Variants in IRF2BPL observed in about 807,000 individuals in gnomAD.
IRF2BPL encodes probable E3 ubiquitin-protein ligase IRF2BPL.
In IRF2BPL, 13 loss-of-function variants were observed where a neutral mutation model predicts 51.2. The ratio of observed to expected loss-of-function variants is 0.25; its 90% CI spans 0.17 to 0.40. The LOEUF (loss-of-function observed/expected upper bound fraction) is 0.40. Ranked by LOEUF, IRF2BPL falls within the 10% of genes least tolerant of loss-of-function variation. The pLI is 1.00. For synonymous variants in IRF2BPL, 768 were observed against 509.2 expected, an observed-to-expected ratio of 1.51 and a Z score of -6.84; for missense variants, 1,210 against 1,111.8, an observed-to-expected ratio of 1.09 and a Z score of -1.26.
Position 77,027,647 on chromosome 14 carries a change from A to C in IRF2BPL, c.146T>G (p.Phe49Cys), listed in dbSNP as rs1466529153. ...VNYEGADRIE[F>C]VIETARQLKR... ...CAGCTGGCGCGCTGTCTCGATCACG[A>C]ATTCGATGCGATCAGCGCCCTCGTA... is the stretch of plus-strand genomic sequence containing the variant. The change falls in exon 1 of 1, where the codon TTC (phenylalanine) becomes TGC (cysteine). Residue 49 changes from phenylalanine to cysteine, a missense_variant. Physicochemically the swap from Phe to Cys is radical, Grantham distance 205. Coordinates refer to ENST00000238647, the MANE Select transcript of IRF2BPL (RefSeq NM_024496.4). The C allele has an allele frequency of 6.2e-7, 1 of 1,610,422 alleles. No homozygotes were observed. Among genetic ancestry groups the C allele is most frequent in the Non-Finnish European group, 8.5e-7 (1 of 1,178,964 alleles).
rs1192531672 is a variant in IRF2BPL, at chr14:77,025,510, T to C, written c.2283A>G (p.Gly761=). 1 of 1,613,942 alleles carries C rather than the reference T, an allele frequency of 6.2e-7. No homozygotes were observed. The highest frequency in any genetic ancestry group is 8.5e-7 in the Non-Finnish European group (1 of 1,179,898). The part of the protein sequence containing the change: ...GATGEVYCPS[G]EKCPLVGSNV... Reference sequence around the variant, plus strand: ...TCGACCCGACTAGGGGGCATTTCTCTCCGCTGGGGCAATACACCTCGCCGG... The same window carrying C: ...TCGACCCGACTAGGGGGCATTTCTCCCCGCTGGGGCAATACACCTCGCCGG... The change falls in exon 1 of 1, where the codon GGA becomes GGG. Residue 761 remains glycine, a synonymous_variant. Coordinates refer to ENST00000238647, the MANE Select transcript of IRF2BPL (RefSeq NM_024496.4).
In IRF2BPL at chr14:77,027,350, C is replaced by G. The variant is rs920639240; in HGVS notation, c.443G>C (p.Arg148Pro). ...AVLAAPSGLE[R>P]YGLSAAAAAA... ...GGCGGCGGCAGCGCTTAGGCCGTAG[C>G]GCTCCAGGCCAGACGGGGCCGCCAG... Residue 148 changes from arginine to proline, a missense_variant, in exon 1 of 1, where the codon CGC becomes CCC. Transcript: ENST00000238647. 1 of 1,519,926 alleles carries G rather than the reference C, an allele frequency of 6.6e-7. No individual in the cohort carries two copies. The highest frequency in any genetic ancestry group is 1.5e-5 in the African/African-American group (1 of 68,580). 94.2% of individuals were successfully genotyped at this position (1,519,926 alleles called of 1,614,324 possible).
chr14:77,027,643 C>A lies in IRF2BPL; in HGVS notation c.150G>T (p.Val50=), dbSNP rs775565469. The A allele has an allele frequency of 2.5e-6, 4 of 1,610,238 alleles. No individual in the cohort carries two copies. The South Asian group carries it at 4.4e-5, about 18-fold the overall frequency. Reference sequence around the variant, plus strand: ...GCTTCAGCTGGCGCGCTGTCTCGATCACGAATTCGATGCGATCAGCGCCCT... The same window carrying A: ...GCTTCAGCTGGCGCGCTGTCTCGATAACGAATTCGATGCGATCAGCGCCCT... ...NYEGADRIEF[V]IETARQLKRA... Residue 50 remains valine (V), a synonymous_variant, in exon 1 of 1, where the codon GTG becomes GTT. Transcript: ENST00000238647.
In IRF2BPL at chr14:77,025,942, G is replaced by C. The variant is rs1442825566; in HGVS notation, c.1851C>G (p.Pro617=). ...SNRTTPPESA[P]QNGPSPMAAL... is the part of the protein sequence containing the mutation. ...CGGCCATAGGGGACGGACCGTTCTG[G>C]GGGGCTGACTCAGGTGGGGTGGTCC... Residue 617 remains proline (P), a synonymous_variant, in exon 1 of 1, where the codon CCC becomes CCG. Coordinates refer to ENST00000238647, the MANE Select transcript of IRF2BPL (RefSeq NM_024496.4). The C allele has an allele frequency of 1.9e-6, 3 of 1,608,428 alleles. No individual in the cohort carries two copies. The highest frequency in any genetic ancestry group is 2.5e-6 in the Non-Finnish European group (3 of 1,178,040).
rs1249260171 is a variant in IRF2BPL, at chr14:77,025,041, C to T, written c.*361G>A. The T allele has an allele frequency of 7.6e-6, 1 of 132,026 alleles. No homozygotes were observed. The allele number at this position is 132,026 out of a possible 1,614,324, so 8.2% of individuals were successfully genotyped here. ...GTTTTTCCTTTCAGAGAGTGCATAA[C>T]ATTTACAAAAATACACACCAGCAGC... On this transcript the variant is annotated 3_prime_UTR_variant, in exon 1 of 1. Transcript: ENST00000238647.
rs61991619 is a variant in IRF2BPL, at chr14:77,027,304, A to G, written c.489T>C (p.Ala163=). 362,244 of 1,536,626 alleles carry G rather than the reference A, an allele frequency of 0.24. 32,015 individuals carry two copies. Among genetic ancestry groups the G allele is most frequent in the Admixed American group, 0.29 (13,381 of 46,904 alleles). ...AAAAAAAAAA[A]AVEQRSRFEY... ...CGAAGCGGCTGCGCTGTTCCACCGC[A>G]GCGGCGGCGGCGGCGGCGGCGGCGG... The change falls in exon 1 of 1, where the codon GCT becomes GCC. Residue 163 remains alanine (A), a synonymous_variant. Coordinates refer to ENST00000238647, the MANE Select transcript of IRF2BPL (RefSeq NM_024496.4).
In IRF2BPL at chr14:77,025,721, T is replaced by G. The variant is rs572263508; in HGVS notation, c.2072A>C (p.His691Pro). 1.3e-6 allele frequency: 2 copies of G among 1,573,534 alleles called. No homozygotes were observed. Among genetic ancestry groups the G allele is most frequent in the South Asian group, 1.2e-5 (1 of 83,848 alleles). ...GGGGTGCACTTGGTCCATGCCCGGG[T>G]GGGCGCTAGGCGGCGGGGGCGCCAC... ...LQVAPPPPSA[H>P]PGMDQVHPQN... is the part of the protein sequence containing the mutation. Residue 691 changes from histidine to proline, a missense_variant, in exon 1 of 1, where the codon CAC becomes CCC. His to Pro is a moderately conservative substitution (Grantham distance 77). Coordinates refer to ENST00000238647, the MANE Select transcript of IRF2BPL (RefSeq NM_024496.4).
rs559226228 is a variant in IRF2BPL, at chr14:77,028,257, G to C, written c.-465C>G. The C allele has an allele frequency of 1.3e-5, 3 of 234,674 alleles. No individual in the cohort carries two copies. The East Asian group carries it at 3.3e-4, about 25-fold the overall frequency. 14.5% of individuals were successfully genotyped at this position (234,674 alleles called of 1,614,324 possible). On this transcript the variant is annotated 5_prime_UTR_variant, in exon 1 of 1. Coordinates refer to ENST00000238647, the MANE Select transcript of IRF2BPL (RefSeq NM_024496.4). ...CTACGAGCTGCGTCCTCTCCCCGAC[G>C]GGCCCCCTGGGGCGAGGGCCAGAGG...
At position 77,025,388 on chromosome 14, in the gene IRF2BPL, G is replaced by A. The variant is rs914060717; in HGVS notation, c.*14C>T. ...GGAGCTGGTCTAGGGCAAAGGAGGT[G>A]GCTGCCCAGTGGTTCAAGGGTCTCT... On this transcript the variant is annotated 3_prime_UTR_variant, in exon 1 of 1. Transcript: ENST00000238647. The A allele has an allele frequency of 1.4e-5, 22 of 1,522,192 alleles. No individual in the cohort carries two copies. The highest frequency in any genetic ancestry group is 1.9e-5 in the Non-Finnish European group (22 of 1,130,730). The allele number at this position is 1,522,192 out of a possible 1,614,324, so 94.3% of individuals were successfully genotyped here. A position where few individuals can be genotyped will look rare whatever the true frequency, so the allele number is the denominator to read the frequency against.
In IRF2BPL at chr14:77,025,346, GC is replaced by G. The variant is rs1885079210; in HGVS notation, c.*55del. 3 of 1,299,204 alleles carry G rather than the reference GC, an allele frequency of 2.3e-6. No individual in the cohort carries two copies. In the Admixed American group the frequency reaches 7.7e-5, roughly 33 times the overall value. The allele number at this position is 1,299,204 out of a possible 1,614,324, so 80.5% of individuals were successfully genotyped here. ...AGGGTCGAGTTGGGTTGGGGGAGGG[GC>G]CCTCAGGATTGGAGAGGAGCTGGTC... is the stretch of plus-strand genomic sequence containing the variant. On this transcript the variant is annotated 3_prime_UTR_variant, in exon 1 of 1. Coordinates refer to ENST00000238647, the MANE Select transcript of IRF2BPL (RefSeq NM_024496.4).
chr14:77,025,011 TGTG>T lies in IRF2BPL; in HGVS notation c.*388_*390del, dbSNP rs1444167841. 3.6e-5 allele frequency: 5 copies of T among 137,082 alleles called. 1 individual carries two copies. Among genetic ancestry groups the T allele is most frequent in the African/African-American group, 1.7e-4 (5 of 30,152 alleles). 8.5% of individuals were successfully genotyped at this position (137,082 alleles called of 1,614,324 possible). On this transcript the variant is annotated 3_prime_UTR_variant, in exon 1 of 1. Coordinates refer to ENST00000238647, the MANE Select transcript of IRF2BPL (RefSeq NM_024496.4). ...AAAAAAAAAAAGTCTTTTTCTTTTG[TGTG>T]TGTTTTTCCTTTCAGAGAGTGCATA...
chr14:77,025,693 T>G lies in IRF2BPL; in HGVS notation c.2100A>C (p.Gln700His). 6.4e-7 allele frequency: 1 copy of G among 1,563,432 alleles called. No individual in the cohort carries two copies. The highest frequency in any genetic ancestry group is 8.7e-7 in the Non-Finnish European group (1 of 1,153,050). ...AHPGMDQVHP[Q>H]NIPDSPMANS... is the part of the protein sequence containing the mutation. ...TGGCCATGGGGGAATCCGGAATGTT[T>G]TGGGGGTGCACTTGGTCCATGCCCG... Residue 700 changes from glutamine to histidine, a missense_variant, in exon 1 of 1, where the codon CAA (glutamine) becomes CAC (histidine). Gln to His is a conservative substitution (Grantham distance 24, BLOSUM62 0). Coordinates refer to ENST00000238647, the MANE Select transcript of IRF2BPL (RefSeq NM_024496.4).
Position 77,027,870 on chromosome 14 carries a change from TG to T in IRF2BPL, c.-79del. On this transcript the variant is annotated 5_prime_UTR_variant, in exon 1 of 1. Transcript: ENST00000238647. ...TTCTCCTCCGGGAGGACTGGCCGGC[TG>T]GGGAGGGAGTCCGACTGCGGGGGAG... is the stretch of plus-strand genomic sequence containing the variant. 1 of 1,392,510 alleles carries T rather than the reference TG, an allele frequency of 7.2e-7. No individual in the cohort carries two copies. 86.3% of individuals were successfully genotyped at this position (1,392,510 alleles called of 1,614,324 possible). A position where few individuals can be genotyped will look rare whatever the true frequency, so the allele number is the denominator to read the frequency against.
chr14:77,027,742 G>A lies in IRF2BPL; in HGVS notation c.51C>T (p.Cys17=), dbSNP rs767998900. 1.9e-6 allele frequency: 3 copies of A among 1,603,340 alleles called. No individual in the cohort carries two copies. Among genetic ancestry groups the A allele is most frequent in the South Asian group, 1.1e-5 (1 of 90,420 alleles). Reference sequence around the variant, plus strand: ...TGGCCCAGGGCATGCGGGGCAGGTCGCACAGGTAGCAAGATTGTCTCCGGG... The same window carrying A: ...TGGCCCAGGGCATGCGGGGCAGGTCACACAGGTAGCAAGATTGTCTCCGGG... ...SSSRRQSCYL[C]DLPRMPWAMI... Residue 17 remains cysteine (C), a synonymous_variant, in exon 1 of 1, where the codon TGC becomes TGT. Coordinates refer to ENST00000238647, the MANE Select transcript of IRF2BPL (RefSeq NM_024496.4).
rs1259336825 is a variant in IRF2BPL at position 77,027,828 on chromosome 14, G to A, written c.-36C>T. ...CTGGGGAAGGTAGGCCCCCGCCCGGGCTGTCTCCGCGGCGCCTTCTCCTCC... is the reference window on the plus strand; with the variant it reads ...CTGGGGAAGGTAGGCCCCCGCCCGGACTGTCTCCGCGGCGCCTTCTCCTCC... On this transcript the variant is annotated 5_prime_UTR_variant, in exon 1 of 1. Coordinates refer to ENST00000238647, the MANE Select transcript of IRF2BPL (RefSeq NM_024496.4). 1.4e-6 allele frequency: 2 copies of A among 1,469,998 alleles called. No individual in the cohort carries two copies. Among genetic ancestry groups the A allele is most frequent in the East Asian group, 2.7e-5 (1 of 37,356 alleles). The allele number at this position is 1,469,998 out of a possible 1,614,324, so 91.1% of individuals were successfully genotyped here. A position where few individuals can be genotyped will look rare whatever the true frequency, so the allele number is the denominator to read the frequency against.
rs1366736895 is a variant in IRF2BPL at position 77,025,374 on chromosome 14, AGG to A, written c.*26_*27del. The A allele has an allele frequency of 2.1e-5, 32 of 1,490,600 alleles. No individual in the cohort carries two copies. The highest frequency in any genetic ancestry group is 2.8e-5 in the Non-Finnish European group (31 of 1,107,970). 92.3% of individuals were successfully genotyped at this position (1,490,600 alleles called of 1,614,324 possible). ...CTCAGGATTGGAGAGGAGCTGGTCT[AGG>A]GCAAAGGAGGTGGCTGCCCAGTGGT... On this transcript the variant is annotated 3_prime_UTR_variant, in exon 1 of 1. Coordinates refer to ENST00000238647, the MANE Select transcript of IRF2BPL (RefSeq NM_024496.4).
rs1287479670 is a variant in IRF2BPL at position 77,027,591 on chromosome 14, G to C, written c.202C>G (p.Arg68Gly). The C allele has an allele frequency of 1.3e-6, 2 of 1,577,858 alleles. No homozygotes were observed. Among genetic ancestry groups the C allele is most frequent in the Non-Finnish European group, 1.7e-6 (2 of 1,163,818 alleles). The change falls in exon 1 of 1, where the codon CGC becomes GGC. Residue 68 changes from arginine to glycine, a missense_variant. Transcript: ENST00000238647. Reference protein sequence around the residue: ...KRAHGCFQDGRSPGPPPPVGV... With the variant: ...KRAHGCFQDGGSPGPPPPVGV... ...ACGGGCGGCGGCGGCCCGGGGGAGC[G>C]GCCGTCCTGGAAGCAGCCGTGCGCC...
At position 77,027,613 on chromosome 14, in the gene IRF2BPL, C is replaced by T. The variant is rs1366104350; in HGVS notation, c.180G>A (p.Ala60=). Residue 60 remains alanine, a synonymous_variant, in exon 1 of 1, where the codon GCG becomes GCA. Coordinates refer to ENST00000238647, the MANE Select transcript of IRF2BPL (RefSeq NM_024496.4). ...AGCGGCCGTCCTGGAAGCAGCCGTG[C>T]GCCCGCTTCAGCTGGCGCGCTGTCT... The part of the protein sequence containing the change: ...VIETARQLKR[A]HGCFQDGRSP... The T allele has an allele frequency of 6.2e-7, 1 of 1,600,398 alleles. No homozygotes were observed. Among genetic ancestry groups the T allele is most frequent in the Non-Finnish European group, 8.5e-7 (1 of 1,174,508 alleles).
rs1259839486 is a variant in IRF2BPL, at chr14:77,027,554, G to A, written c.239C>T (p.Thr80Ile). The A allele has an allele frequency of 3.6e-6, 3 of 835,650 alleles. No individual in the cohort carries two copies. The highest frequency in any genetic ancestry group is 4.8e-6 in the Non-Finnish European group (3 of 630,348). 51.8% of individuals were successfully genotyped at this position (835,650 alleles called of 1,614,324 possible). A position where few individuals can be genotyped will look rare whatever the true frequency, so the allele number is the denominator to read the frequency against. The change falls in exon 1 of 1, where the codon ACA becomes ATA. Residue 80 changes from threonine (T) to isoleucine (I), a missense_variant. Transcript: ENST00000238647. ...PGPPPPVGVK[T>I]VALSAKEAAA... The stretch of plus-strand genomic sequence containing the variant: ...CGCTTCCTTAGCCGACAGGGCCACT[G>A]TCTTGACCCCGACGGGCGGCGGCGG...
Sources: allele counts gnomAD v4.1 joint callset, GRCh38; gene constraint gnomAD v4.1.1; transcripts MANE v1.5; gene names NCBI Gene and HGNC (gene_info 2026-07-23, HGNC 2026-07-21).